The following NAALADL2 variants were observed in gnomAD, a reference collection of about 807,000 sequenced individuals.
NAALADL2 encodes the protein inactive N-acetylated-alpha-linked acidic dipeptidase-like protein 2.
NAALADL2 carries 76 observed loss-of-function variants against 87.2 expected under a neutral mutation model. That is an observed-to-expected ratio of 0.87 (90% confidence interval 0.72 to 1.05). The LOEUF (loss-of-function observed/expected upper bound fraction) is 1.05, where lower values mean the gene tolerates loss of function less well. Ranked by LOEUF, NAALADL2 falls within the 50% of genes least tolerant of loss-of-function variation. NAALADL2 has a pLI of 0.00. For synonymous variants in NAALADL2, 354 were observed against 331.0 expected (o/e 1.07, Z -0.75); for missense variants, 1,089 against 945.8 (o/e 1.15, Z -1.99).
chr3:175,742,081 T>C (rs1745300921), intron 12 of NAALADL2, among the ~76,000 whole-genome samples: 1 of 152,200 alleles, frequency 6.6e-6, no homozygotes, highest in Non-Finnish European at 1.5e-5. Flanking sequence ...CGCTTATGCC[T>C]TATCTGGTTT....
intron 5 of NAALADL2, among the ~76,000 whole-genome samples, chr3:175,344,410 C>T (rs1329731489): frequency 6.6e-6 from 1 of 151,286 alleles, no homozygotes; most frequent in African/African-American, 2.4e-5. Context: ...TACATTTACA[C>T]AGTGGGATGT....
chr3:174,887,456 T>G (rs1193405613), intron 1 of NAALADL2, among the ~76,000 whole-genome samples: 4 of 152,200 alleles, frequency 2.6e-5, no homozygotes, highest in Non-Finnish European at 4.4e-5. Flanking sequence ...TTATTCATTT[T>G]CTGAGTTTAA....
intron 1 of NAALADL2, among the ~76,000 whole-genome samples, chr3:174,931,555 G>A (rs1185147001): frequency 6.6e-6 from 1 of 152,116 alleles, no homozygotes; most frequent in Non-Finnish European, 1.5e-5. Context: ...TAGTCAAGCA[G>A]AGAATATGAA....
At chr3:175,787,489 C>T (rs1161637009) in intron 13 of NAALADL2, among the ~76,000 whole-genome samples, 8 of 152,212 alleles carry the variant, frequency 5.3e-5, no homozygotes, top group Non-Finnish European at 1.0e-4. Context: ...GTGCGTCCGT[C>T]ACCCCTTTCT....
rs115905876 is a variant in NAALADL2, at chr3:175,402,346, C to T, written c.1091-44883C>T. 5.5e-3 allele frequency among the ~76,000 whole-genome samples: 837 copies of T among 152,124 alleles called. 9 individuals are homozygous for T. The highest frequency in any genetic ancestry group is 0.019 in the African/African-American group (800 of 41,520). On this transcript the variant is annotated intron_variant, in intron 5 of 13. Coordinates refer to ENST00000454872, the MANE Select transcript of NAALADL2 (RefSeq NM_207015.3). ...ATGAGCTGATTACCCCAGAGCAATT[C>T]TTTGGGCCAAGCAGACTGATGCTTC...
chr3:174,661,334 A>G (rs1175223605), intron 2 of NAALADL2, among the ~76,000 whole-genome samples: 1 of 152,158 alleles, frequency 6.6e-6, no homozygotes, highest in African/African-American at 2.4e-5. Flanking sequence ...AATGAATATT[A>G]AAGAAGAACT....
At chr3:175,562,750 C>T (rs1487725168) in intron 9 of NAALADL2, among the ~76,000 whole-genome samples, 1 of 151,052 alleles carries the variant, frequency 6.6e-6, no homozygotes, top group East Asian at 2.0e-4. Context: ...TATGATTTCT[C>T]AGGAGTAGAT....
chr3:174,807,357 A>G (rs759296248), intron 3 of NAALADL2, among the ~76,000 whole-genome samples: 35 of 152,268 alleles, frequency 2.3e-4, no homozygotes, highest in Non-Finnish European at 3.5e-4. Flanking sequence ...TGTTAGTAAA[A>G]TGCTCTGCTT....
chr3:174,696,416 T>G (rs1729014054), intron 2 of NAALADL2, among the ~76,000 whole-genome samples: 1 of 151,840 alleles, frequency 6.6e-6, no homozygotes, highest in South Asian at 2.1e-4. Flanking sequence ...GTGCTAGACT[T>G]ATGTGGGAAA....
At chr3:175,787,659 A>G (rs1202582200) in intron 13 of NAALADL2, among the ~76,000 whole-genome samples, 3 of 152,042 alleles carry the variant, frequency 2.0e-5, no homozygotes, top group Admixed American at 2.0e-4. Context: ...GAAATGCAGA[A>G]ATCACCCGTC....
At chr3:175,653,648 A>C (rs1731079652) in intron 11 of NAALADL2, among the ~76,000 whole-genome samples, 1 of 152,158 alleles carries the variant, frequency 6.6e-6, no homozygotes, top group Admixed American at 6.6e-5. Flanking sequence ...AATTCCATGA[A>C]GTTATGCACA....
chr3:175,187,369 T>G (rs981777628), intron 2 of NAALADL2, among the ~76,000 whole-genome samples: 10 of 152,204 alleles, frequency 6.6e-5, no homozygotes, highest in African/African-American at 2.4e-4. Flanking sequence ...TTTCCTATCG[T>G]TGTCGATTCC....
chr3:174,593,677 T>C (rs575918423), intron 2 of NAALADL2, among the ~76,000 whole-genome samples: 1 of 152,320 alleles, frequency 6.6e-6, no homozygotes, highest in South Asian at 2.1e-4. Context: ...AATTCTGGTA[T>C]CAGAAATCCT....
chr3:174,453,093 T>C (rs1268633525), intron 1 of NAALADL2, among the ~76,000 whole-genome samples: 1 of 152,162 alleles, frequency 6.6e-6, no homozygotes, highest in Non-Finnish European at 1.5e-5. Context: ...AGAATGTAAC[T>C]GACCTGATAT....
intron 1 of NAALADL2, among the ~76,000 whole-genome samples, chr3:175,091,822 C>G (rs1720189567): frequency 6.6e-6 from 1 of 151,910 alleles, no homozygotes; most frequent in South Asian, 2.1e-4. Flanking sequence ...GTTAGCCAAA[C>G]TTCTCTTTTA....
intron 1 of NAALADL2, among the ~76,000 whole-genome samples, chr3:174,475,681 A>G (rs755498659): frequency 2.0e-5 from 3 of 152,002 alleles, no homozygotes; most frequent in Admixed American, 6.6e-5. Flanking sequence ...GTGAATAATA[A>G]AAGAGCTTTT....
chr3:174,879,451 G>T (rs1233539036), intron 1 of NAALADL2, among the ~76,000 whole-genome samples: 2 of 151,862 alleles, frequency 1.3e-5, no homozygotes, highest in Admixed American at 1.3e-4. Flanking sequence ...TCTGATTATG[G>T]CCTCAAAACA....
intron 13 of NAALADL2, among the ~76,000 whole-genome samples, chr3:175,799,942 G>A (rs768651326): frequency 7.9e-5 from 12 of 152,218 alleles, no homozygotes; most frequent in Non-Finnish European, 1.3e-4. Context: ...AATGTTCTGC[G>A]CCTGGAAGTA....
chr3:175,455,479 G>A (rs1192245867), intron 6 of NAALADL2, among the ~76,000 whole-genome samples: 1 of 152,004 alleles, frequency 6.6e-6, no homozygotes, highest in Non-Finnish European at 1.5e-5. Flanking sequence ...TACAAAGAGA[G>A]TAAAAGTTAT....
Sources: allele counts gnomAD v4.1 joint callset (sites outside exome capture counted in the v4.1 genomes callset), GRCh38; gene constraint gnomAD v4.1.1; transcripts MANE v1.5; gene names NCBI Gene and HGNC (gene_info 2026-07-23, HGNC 2026-07-21).